The following TBC1D1 variants were observed in gnomAD, a reference collection of about 807,000 sequenced individuals.
TBC1D1 encodes TBC1 (tre-2/USP6, BUB2, cdc16) domain family, member 1.
In TBC1D1, 89 loss-of-function variants were observed where a neutral mutation model predicts 125.6. The observed-to-expected ratio is 0.71, with a 90% confidence interval of 0.60 to 0.85. TBC1D1 has a LOEUF of 0.85. Among genes scored for constraint, TBC1D1 ranks in the 40% least tolerant of loss-of-function variants. The pLI, the probability that TBC1D1 is intolerant of heterozygous loss-of-function variation, is 0.00. For synonymous variants in TBC1D1, 565 were observed against 564.1 expected, an observed-to-expected ratio of 1.00 and a Z score of -0.02; for missense variants, 1,377 against 1,469.2, an observed-to-expected ratio of 0.94 and a Z score of 1.03.
At chr4:38,063,467 G>GT (rs34723833) in intron 12 of TBC1D1, among the ~76,000 whole-genome samples, 2 of 151,868 alleles carry the variant, frequency 1.3e-5, no homozygotes, top group African/African-American at 4.8e-5. Flanking sequence ...TGAGGAGGGA[G>GT]TTTTTTTAGA....
intron 13 of TBC1D1, among the ~76,000 whole-genome samples, chr4:38,090,397 C>T (rs1758231401): frequency 1.3e-5 from 2 of 152,284 alleles, no homozygotes; most frequent in Admixed American, 6.5e-5. Context: ...AGCTCTAACA[C>T]GCTGAAAGGT....
intron 13 of TBC1D1, among the ~76,000 whole-genome samples, chr4:38,093,366 T>C (rs995278114): frequency 6.6e-6 from 1 of 152,160 alleles, no homozygotes; most frequent in Non-Finnish European, 1.5e-5. Flanking sequence ...TACTATGTCA[T>C]CTCAGTCTAC....
At chr4:37,902,663 G>T (rs764453325) in intron 2 of TBC1D1, 151 bp downstream of exon 2, 1 of 664,540 alleles carries the variant, frequency 1.5e-6, no homozygotes, top group Non-Finnish European at 2.4e-6. Context: ...TTGTTTTATG[G>T]TGATAGTTTA....
rs561091121 is a variant in TBC1D1, at chr4:37,975,470, GA to G, written c.418-39038del. ...CTGACATCAGTCAGGCCGTCCACAA[GA>G]GGTGGAGTAGTAGAGTCTTCTCTAA... On this transcript the variant is annotated intron_variant, in intron 2 of 19. Transcript: ENST00000261439. Among the ~76,000 whole-genome samples the G allele has an allele frequency of 4.2e-3, 643 of 152,286 alleles. 4 individuals are homozygous for G. The highest frequency in any genetic ancestry group is 0.014 in the African/African-American group (586 of 41,558).
rs1766772943 is a variant in TBC1D1 at position 38,137,174 on chromosome 4, G to A, written c.3346G>A (p.Glu1116Lys). 6.2e-7 allele frequency: 1 copy of A among 1,613,476 alleles called. No homozygotes were observed. Residue 1116 changes from glutamate to lysine, a missense_variant, in exon 20 of 20, where the codon GAG becomes AAG. This residue lies in a region of TBC1D1 where 543 missense variants were observed against 613.5 expected (regional missense o/e 0.89). Transcript: ENST00000261439. ...GATCCAAAGCCTTGAGGCCACCATT[G>A]AGAAGCTCCTGAGCAGTGAGAGCAA...
intron 3 of TBC1D1, among the ~76,000 whole-genome samples, chr4:38,017,972 T>C (rs1053697138): frequency 6.6e-6 from 1 of 152,254 alleles, no homozygotes; most frequent in Non-Finnish European, 1.5e-5. Flanking sequence ...GTAGATTCTT[T>C]TAACAATAAT....
At chr4:38,060,733 A>T (rs1209341108) in intron 12 of TBC1D1, 1 of 992,972 alleles carries the variant, frequency 1.0e-6, no homozygotes, top group African/African-American at 1.7e-5. Context: ...CTTTCTTCAG[A>T]TCATGGTTTA....
At chr4:38,120,468 T>C (rs1392825248) in intron 17 of TBC1D1, among the ~76,000 whole-genome samples, 2 of 152,242 alleles carry the variant, frequency 1.3e-5, no homozygotes, top group African/African-American at 4.8e-5. Flanking sequence ...AAGCCTGCCA[T>C]TCAGTCACTA....
intron 2 of TBC1D1, among the ~76,000 whole-genome samples, chr4:37,941,893 T>C (rs936423225): frequency 9.2e-5 from 14 of 152,210 alleles, no homozygotes; most frequent in Non-Finnish European, 1.5e-4. Flanking sequence ...GAGAGACAGT[T>C]TGTTATAATT....
At chr4:38,096,158 T>TA (rs1211769338) in intron 14 of TBC1D1, 68 bp downstream of exon 16, 41 of 1,383,028 alleles carry the variant, frequency 3.0e-5, no homozygotes, top group South Asian at 9.9e-5. Flanking sequence ...AGTGTGGAAT[T>TA]AAAAAAAAGT....
intron 12 of TBC1D1, among the ~76,000 whole-genome samples, chr4:38,069,407 C>T (rs1754308276): frequency 6.6e-6 from 1 of 152,144 alleles, no homozygotes; most frequent in South Asian, 2.1e-4. Flanking sequence ...GTGAGCCTGT[C>T]TCAGCCAATG....
chr4:38,090,597 G>A (rs1758263258), intron 13 of TBC1D1, among the ~76,000 whole-genome samples: 1 of 152,188 alleles, frequency 6.6e-6, no homozygotes, highest in Non-Finnish European at 1.5e-5. Flanking sequence ...AGTTCTACCT[G>A]TACTGATATC....
intron 2 of TBC1D1, among the ~76,000 whole-genome samples, chr4:37,956,622 G>A (rs1206303237): frequency 6.6e-6 from 1 of 152,102 alleles, no homozygotes; most frequent in African/African-American, 2.4e-5. Flanking sequence ...TATGCTCAGG[G>A]ACGCCAACTA....
chr4:38,104,453 A>T (rs115220713), intron 15 of TBC1D1, among the ~76,000 whole-genome samples: 1 of 152,120 alleles, frequency 6.6e-6, no homozygotes, highest in East Asian at 1.9e-4. Context: ...CCTGCCGCCT[A>T]TCACCCAAGC....
At chr4:38,119,426 AAT>A (rs1434974198) in intron 17 of TBC1D1, among the ~76,000 whole-genome samples, 1 of 152,108 alleles carries the variant, frequency 6.6e-6, no homozygotes. Context: ...TCCCTGAAAA[AAT>A]AAAATCACTA....
chr4:38,096,135 G>T (rs747227862), intron 14 of TBC1D1, 45 bp downstream of exon 16: 2 of 1,530,324 alleles, frequency 1.3e-6, no homozygotes, highest in South Asian at 2.4e-5. Flanking sequence ...CCCCTCATTG[G>T]TGATTGGGGA....
At position 38,049,894 on chromosome 4, in the gene TBC1D1, C is replaced by T. The variant is rs1234254986; in HGVS notation, c.1906C>T (p.Arg636Ter). 6.2e-7 allele frequency: 1 copy of T among 1,606,404 alleles called. No homozygotes were observed. Among genetic ancestry groups the T allele is most frequent in the Non-Finnish European group, 8.5e-7 (1 of 1,176,000 alleles). ...AGTGAGCACAGAGACGCCTCATGAA[C>T]GAAAGTAAGATTTGTTTAAATTTGT... The change falls in exon 11 of 20, where the codon CGA (arginine) becomes TGA (stop). Residue 636 changes from arginine (R) to a stop codon, truncating the protein, a stop_gained. Coordinates refer to ENST00000261439, the MANE Select transcript of TBC1D1 (RefSeq NM_015173.4). LOFTEE classifies it high-confidence loss of function.
chr4:37,939,216 T>G (rs1391904157), intron 2 of TBC1D1, among the ~76,000 whole-genome samples: 2 of 152,260 alleles, frequency 1.3e-5, no homozygotes, highest in African/African-American at 4.8e-5. Flanking sequence ...ATGATTGCCA[T>G]TCTAACCAGT....
At chr4:37,932,593 AATGGCCCTGGT>A (rs1258380487) in intron 2 of TBC1D1, among the ~76,000 whole-genome samples, 3 of 152,196 alleles carry the variant, frequency 2.0e-5, no homozygotes, top group African/African-American at 7.2e-5. Flanking sequence ...TCAGAGCAGG[AATGGCCCTGGT>A]AAGGCATCAA....
Sources: gnomAD v4.1 joint callset for allele counts (sites outside exome capture counted in the v4.1 genomes callset) on GRCh38, gnomAD v4.1.1 for gene constraint, gnomAD v4.1.1 regional missense constraint, MANE v1.5 for transcripts, NCBI Gene and HGNC (gene_info 2026-07-23, HGNC 2026-07-21) for gene names.